SHTN1: variants seen among roughly 807,000 people sequenced by gnomAD.
SHTN1 encodes shootin 1.
Under a neutral mutation model 83.1 loss-of-function variants are expected in SHTN1, and 42 were observed. That is an observed-to-expected ratio of 0.51 (90% CI 0.39 to 0.65). SHTN1 has a LOEUF of 0.65. SHTN1 is among the 30% of genes least tolerant of loss of function. The pLI is 0.00. For missense variants in SHTN1, 622 were observed against 737.8 expected (o/e 0.84, Z 1.82); for synonymous variants, 224 against 247.7 (o/e 0.90, Z 0.90).
intron 2 of SHTN1, among the ~76,000 whole-genome samples, chr10:117,025,946 ACT>A (rs1014928526): frequency 6.6e-5 from 10 of 152,048 alleles, no homozygotes; most frequent in Non-Finnish European, 8.8e-5. Flanking sequence ...CTTGGGTGAG[ACT>A]CTGAGATGTG....
intron 14 of SHTN1, among the ~76,000 whole-genome samples, chr10:116,907,257 G>A (rs1490123877): frequency 2.0e-5 from 3 of 152,252 alleles, no homozygotes; most frequent in Middle Eastern, 3.4e-3. Flanking sequence ...GGCACATAAT[G>A]CTCTCCAGGG....
At chr10:117,012,674 G>A (rs766484470) in intron 2 of SHTN1, among the ~76,000 whole-genome samples, 5 of 152,002 alleles carry the variant, frequency 3.3e-5, no homozygotes, top group African/African-American at 1.2e-4. Context: ...AGAAAAAACC[G>A]TGTAACCTAA....
chr10:116,961,626 A>G (rs1850188370), intron 3 of SHTN1, among the ~76,000 whole-genome samples: 1 of 152,226 alleles, frequency 6.6e-6, no homozygotes, highest in Non-Finnish European at 1.5e-5. Context: ...CTCCCACTCA[A>G]TGGTACAGCA....
intron 1 of SHTN1, among the ~76,000 whole-genome samples, chr10:117,069,293 A>G (rs1193576381): frequency 1.3e-5 from 2 of 152,178 alleles, no homozygotes; most frequent in East Asian, 3.9e-4. Flanking sequence ...GGTCCGCCCA[A>G]TATAGTAGTG....
At chr10:117,076,329 A>G (rs2083813957) in intron 1 of SHTN1, among the ~76,000 whole-genome samples, 1 of 152,170 alleles carries the variant, frequency 6.6e-6, no homozygotes, top group Admixed American at 6.6e-5. Flanking sequence ...ACATACAGTT[A>G]CATCCTTGGA....
At chr10:117,014,294 A>G (rs182346838) in intron 2 of SHTN1, among the ~76,000 whole-genome samples, 82 of 152,292 alleles carry the variant, frequency 5.4e-4, no homozygotes, top group African/African-American at 1.9e-3. Context: ...GCTGCATGCA[A>G]ATTTAATAAC....
In SHTN1 at chr10:116,886,587, C is replaced by CA. The variant is rs748204859; in HGVS notation, c.1674-22dup. On this transcript the variant is annotated intron_variant, in intron 16 of 16. Coordinates refer to ENST00000355371, the MANE Select transcript of SHTN1 (RefSeq NM_001127211.3). ...GAGGCCTATGAGATGAAGAGTTAGACAAAAAAAGTAAAAAGCAGAGAGAGA... is the reference window on the plus strand; with the variant it reads ...GAGGCCTATGAGATGAAGAGTTAGACAAAAAAAAGTAAAAAGCAGAGAGAGA... 1.5e-5 allele frequency: 24 copies of CA among 1,607,670 alleles called. No homozygotes were observed. The South Asian group carries it at 1.8e-4, about 12-fold the overall frequency.
intron 11 of SHTN1, among the ~76,000 whole-genome samples, chr10:116,923,400 G>A (rs1227114261): frequency 6.6e-6 from 1 of 152,134 alleles, no homozygotes; most frequent in African/African-American, 2.4e-5. Context: ...CCTCAGTGTG[G>A]TGAACTGTAT....
At chr10:117,073,282 T>G (rs577296463) in intron 1 of SHTN1, among the ~76,000 whole-genome samples, 1 of 152,194 alleles carries the variant, frequency 6.6e-6, no homozygotes, top group African/African-American at 2.4e-5. Context: ...TAGGGAAGAG[T>G]AGATGTCCAA....
intron 11 of SHTN1, among the ~76,000 whole-genome samples, chr10:116,926,287 G>A (rs1271076707): frequency 4.6e-5 from 7 of 152,080 alleles, no homozygotes; most frequent in Admixed American, 3.3e-4. Context: ...CTTTTTAATC[G>A]TTCTCCCTCT....
intron 16 of SHTN1, among the ~76,000 whole-genome samples, chr10:116,898,156 C>G (rs560958257): frequency 3.4e-4 from 52 of 152,000 alleles, no homozygotes; most frequent in African/African-American, 1.2e-3. Context: ...AGTGAAACCG[C>G]GTCTCTACTA....
intron 16 of SHTN1, among the ~76,000 whole-genome samples, chr10:116,887,368 C>T (rs1196362676): frequency 3.3e-5 from 5 of 152,176 alleles, no homozygotes; most frequent in Non-Finnish European, 2.9e-5. Flanking sequence ...TGCTGAGCTG[C>T]GGCCTGAAGG....
intron 1 of SHTN1, among the ~76,000 whole-genome samples, chr10:117,077,955 C>A (rs1323606010): frequency 1.3e-5 from 2 of 152,104 alleles, no homozygotes; most frequent in Non-Finnish European, 2.9e-5. Flanking sequence ...AGCAAACCAC[C>A]CGCAACAATT....
intron 1 of SHTN1, among the ~76,000 whole-genome samples, chr10:117,118,881 C>A (rs1035027432): frequency 6.6e-6 from 1 of 152,078 alleles, no homozygotes; most frequent in Non-Finnish European, 1.5e-5. Context: ...CACCATGACA[C>A]GCATTTACCT....
chr10:117,024,849 CAAA>C (rs1176382744), intron 2 of SHTN1, among the ~76,000 whole-genome samples: 2 of 152,054 alleles, frequency 1.3e-5, no homozygotes, highest in African/African-American at 4.8e-5. Flanking sequence ...ATAAAACAGA[CAAA>C]AATGTTAATT....
chr10:116,906,021 C>T (rs1274453032), intron 15 of SHTN1, among the ~76,000 whole-genome samples: 1 of 152,226 alleles, frequency 6.6e-6, no homozygotes, highest in Middle Eastern at 3.2e-3. Flanking sequence ...AGTTCACAGG[C>T]AGGCACAGTA....
intron 4 of SHTN1, among the ~76,000 whole-genome samples, chr10:116,959,152 T>C (rs543767062): frequency 3.3e-5 from 5 of 152,254 alleles, no homozygotes; most frequent in Non-Finnish European, 7.4e-5. Context: ...AGAGTAAAAA[T>C]GATGTGAGAA....
intron 10 of SHTN1, among the ~76,000 whole-genome samples, chr10:116,929,537 C>G (rs1344748375): frequency 3.9e-5 from 6 of 152,156 alleles, no homozygotes. Context: ...GAACATTCAT[C>G]TCTGAAGCTC....
intron 2 of SHTN1, among the ~76,000 whole-genome samples, chr10:117,017,709 G>A (rs542427748): frequency 1.3e-5 from 2 of 152,122 alleles, no homozygotes; most frequent in East Asian, 1.9e-4. Flanking sequence ...AGTGTAGGCT[G>A]GATTCAGTCA....
Sources: allele counts gnomAD v4.1 joint callset (sites outside exome capture counted in the v4.1 genomes callset), GRCh38; gene constraint gnomAD v4.1.1; transcripts MANE v1.5; gene names NCBI Gene and HGNC (gene_info 2026-07-23, HGNC 2026-07-21).